Variants in ARL15 observed in about 807,000 individuals in gnomAD.
The protein encoded by ARL15 is ADP-ribosylation factor-like protein 15.
ARL15 carries 19 observed loss-of-function variants against 25.2 expected under a neutral mutation model. That is an observed-to-expected ratio of 0.75 (90% CI 0.53 to 1.10). The LOEUF (loss-of-function observed/expected upper bound fraction) is 1.10, where lower values mean the gene tolerates loss of function less well. Ranked by LOEUF, ARL15 falls within the 50% of genes least tolerant of loss-of-function variation. The pLI, the probability that ARL15 is intolerant of heterozygous loss-of-function variation, is 0.00. For missense variants in ARL15, 220 were observed against 246.0 expected (o/e 0.89, Z 0.71); for synonymous variants, 94 against 86.8 (o/e 1.08, Z -0.46).
chr5:53,941,736 G>A (rs990965487), intron 4 of ARL15, among the ~76,000 whole-genome samples: 10 of 152,242 alleles, frequency 6.6e-5, no homozygotes, highest in Non-Finnish European at 1.3e-4. Context: ...AGTTGTTTAT[G>A]TGGTGATTCT....
intron 4 of ARL15, among the ~76,000 whole-genome samples, chr5:53,954,994 C>T (rs1405234583): frequency 1.3e-5 from 2 of 151,750 alleles, no homozygotes; most frequent in South Asian, 2.1e-4. Flanking sequence ...ATACTTCTTC[C>T]AGCACTGAAA....
At chr5:54,202,550 T>C (rs577872706) in intron 1 of ARL15, among the ~76,000 whole-genome samples, 1 of 152,318 alleles carries the variant, frequency 6.6e-6, no homozygotes, top group East Asian at 1.9e-4. Context: ...GAATGCAGCC[T>C]GGCTGACATC....
chr5:54,000,319 C>T (rs1648727435), intron 4 of ARL15, among the ~76,000 whole-genome samples: 1 of 152,162 alleles, frequency 6.6e-6, no homozygotes, highest in Non-Finnish European at 1.5e-5. Flanking sequence ...TGGTCACTAG[C>T]TGCATGTGAG....
At chr5:53,958,036 C>T (rs1224921419) in intron 4 of ARL15, among the ~76,000 whole-genome samples, 3 of 151,698 alleles carry the variant, frequency 2.0e-5, no homozygotes, top group East Asian at 1.9e-4. Flanking sequence ...ATGGTGAAAA[C>T]CCATCTCTAC....
chr5:54,115,481 G>C (rs556342570), intron 3 of ARL15, among the ~76,000 whole-genome samples: 1 of 152,082 alleles, frequency 6.6e-6, no homozygotes, highest in Non-Finnish European at 1.5e-5. Flanking sequence ...AATAATATCA[G>C]TAGCCAAACA....
At chr5:53,981,900 C>CAAAAAAAAAAAA (rs553509243) in intron 4 of ARL15, among the ~76,000 whole-genome samples, 1 of 144,626 alleles carries the variant, frequency 6.9e-6, no homozygotes, top group African/African-American at 2.5e-5. Context: ...AACTCTGTCT[C>CAAAAAAAAAAAA]AAAAAAAAAG....
chr5:54,044,446 C>T (rs1042532632), intron 4 of ARL15, among the ~76,000 whole-genome samples: 57 of 151,922 alleles, frequency 3.8e-4, no homozygotes, highest in Non-Finnish European at 7.4e-5. Context: ...TATTTCGCCA[C>T]GTTGGCCAAG....
chr5:54,280,974 GAAAA>G (rs1254774552), intron 1 of ARL15, among the ~76,000 whole-genome samples: 1 of 130,712 alleles, frequency 7.7e-6, no homozygotes, highest in Admixed American at 7.7e-5. Flanking sequence ...CAGGCTGGTG[GAAAA>G]AAAAAAAAAA....
At chr5:54,027,716 T>A (rs1749826444) in intron 4 of ARL15, among the ~76,000 whole-genome samples, 1 of 152,082 alleles carries the variant, frequency 6.6e-6, no homozygotes, top group Non-Finnish European at 1.5e-5. Flanking sequence ...GGGGAACTTT[T>A]TCTTATACCC....
At chr5:54,093,033 T>C (rs573789405) in intron 4 of ARL15, among the ~76,000 whole-genome samples, 205 of 152,274 alleles carry the variant, frequency 1.3e-3, no homozygotes, top group African/African-American at 4.6e-3. Context: ...ATATATATTA[T>C]AGGCACATTT....
chr5:54,020,954 CA>C (rs574119567), intron 4 of ARL15, among the ~76,000 whole-genome samples: 254 of 150,068 alleles, frequency 1.7e-3, no homozygotes, highest in Middle Eastern at 7.1e-3. Context: ...AACTCCGTCT[CA>C]AAAAAAAGAA....
intron 1 of ARL15, among the ~76,000 whole-genome samples, chr5:54,181,698 T>G (rs978036718): frequency 6.6e-6 from 1 of 152,004 alleles, no homozygotes. Context: ...CTTTAGGAGG[T>G]CAACGGAGGA....
intron 4 of ARL15, among the ~76,000 whole-genome samples, chr5:53,929,264 C>T (rs1233914550): frequency 6.6e-6 from 1 of 151,864 alleles, no homozygotes; most frequent in South Asian, 2.1e-4. Context: ...ATTATTTTTC[C>T]CTCAATGGGA....
At chr5:54,158,637 G>A (rs1754310552) in intron 2 of ARL15, among the ~76,000 whole-genome samples, 5 of 152,230 alleles carry the variant, frequency 3.3e-5, no homozygotes, top group Admixed American at 3.3e-4. Context: ...CACTTTGGGA[G>A]GCCGAGGCGG....
intron 4 of ARL15, among the ~76,000 whole-genome samples, chr5:53,947,170 GTGTGTGTGTGTGTGTGTGTGTGT>G (rs1746771839): frequency 4.4e-5 from 2 of 45,400 alleles, no homozygotes; most frequent in East Asian, 3.9e-4. Flanking sequence ...AAATAAGGGT[GTGTGTGTGTGTGTGTGTGTGTGT>G]GTGTGTGTGT....
chr5:54,155,075 C>T (rs1297443237), intron 2 of ARL15, among the ~76,000 whole-genome samples: 1 of 152,108 alleles, frequency 6.6e-6, no homozygotes, highest in Non-Finnish European at 1.5e-5. Flanking sequence ...AAGCTGAGAT[C>T]GGGCCACTGC....
intron 4 of ARL15, among the ~76,000 whole-genome samples, chr5:54,087,896 G>C (rs1357522821): frequency 1.3e-5 from 2 of 152,188 alleles, no homozygotes; most frequent in African/African-American, 4.8e-5. Context: ...GACTGGTCTT[G>C]AACTCCTGAC....
chr5:54,079,707 C>T (rs1412645471), intron 4 of ARL15, among the ~76,000 whole-genome samples: 2 of 152,008 alleles, frequency 1.3e-5, no homozygotes, highest in African/African-American at 2.4e-5. Flanking sequence ...TGGTGGCTCA[C>T]GCCTGTAATC....
chr5:54,300,225 T>C (rs1283577693), intron 1 of ARL15, among the ~76,000 whole-genome samples: 3 of 152,212 alleles, frequency 2.0e-5, no homozygotes, highest in Admixed American at 2.0e-4. Context: ...TGAATCACTG[T>C]TGAGGATTGG....
Sources: allele counts gnomAD v4.1 joint callset (sites outside exome capture counted in the v4.1 genomes callset), GRCh38; gene constraint gnomAD v4.1.1; transcripts MANE v1.5; gene names NCBI Gene and HGNC (gene_info 2026-07-23, HGNC 2026-07-21).